Variants in NRXN3 observed in about 807,000 individuals in gnomAD.
NRXN3 encodes neurexin 3, also known as neurexin III.
NRXN3 carries 32 observed loss-of-function variants against 137.6 expected under a neutral mutation model. The ratio of observed to expected loss-of-function variants is 0.23; its 90% confidence interval spans 0.18 to 0.31. The LOEUF (loss-of-function observed/expected upper bound fraction) is 0.31, where lower values mean the gene tolerates loss of function less well. NRXN3 is among the 10% of genes least tolerant of loss of function. NRXN3 has a pLI of 1.00. For synonymous variants in NRXN3, 798 were observed against 784.5 expected (o/e 1.02, Z -0.29); for missense variants, 1,574 against 2,062.5 (o/e 0.76, Z 4.59).
chr14:78,270,165 C>T (rs1596571772), intron 2 of NRXN3, among the ~76,000 whole-genome samples: 1 of 152,206 alleles, frequency 6.6e-6, no homozygotes, highest in Non-Finnish European at 1.5e-5. Flanking sequence ...ACTCTAGAAC[C>T]TGCCTCTTAA....
At chr14:78,837,830 A>G (rs2099001261) in intron 10 of NRXN3, among the ~76,000 whole-genome samples, 1 of 152,148 alleles carries the variant, frequency 6.6e-6, no homozygotes, top group Non-Finnish European at 1.5e-5. Context: ...CAGAAAACAT[A>G]TTGGTGTAGA....
At chr14:78,652,852 T>TC (rs2097757751) in intron 6 of NRXN3, among the ~76,000 whole-genome samples, 2 of 152,230 alleles carry the variant, frequency 1.3e-5, no homozygotes. Context: ...ATCTCCATGC[T>TC]CCAAGGCTTT....
chr14:79,663,815 C>G lies in NRXN3; in HGVS notation c.3482C>G (p.Thr1161Arg), dbSNP rs2098545777. ...ATTGGAGTTGTCTTCAACATTGGCACAGTTGACATCTCCATCAAAGAGGAG... is the reference window on the plus strand; with the variant it reads ...ATTGGAGTTGTCTTCAACATTGGCAGAGTTGACATCTCCATCAAAGAGGAG... ...GKIGVVFNIG[T>R]VDISIKEERT... is the part of the protein sequence containing the mutation. Residue 1161 changes from threonine to arginine, a missense_variant, in exon 17 of 21, where the codon ACA becomes AGA. Physicochemically the swap from Thr to Arg is moderately conservative, Grantham distance 71. Coordinates refer to ENST00000335750, the MANE Select transcript of NRXN3 (RefSeq NM_001330195.2). The G allele has an allele frequency of 6.2e-7, 1 of 1,613,244 alleles. No individual in the cohort carries two copies. Among genetic ancestry groups the G allele is most frequent in the Non-Finnish European group, 8.5e-7 (1 of 1,179,582 alleles).
chr14:78,209,171 C>G (rs2062496321), intron 1 of NRXN3, among the ~76,000 whole-genome samples: 1 of 152,122 alleles, frequency 6.6e-6, no homozygotes, highest in Non-Finnish European at 1.5e-5. Flanking sequence ...GGTGTGAAGG[C>G]TTGCTTGGGA....
chr14:78,431,234 A>C (rs563856355), intron 4 of NRXN3, among the ~76,000 whole-genome samples: 1 of 152,316 alleles, frequency 6.6e-6, no homozygotes, highest in South Asian at 2.1e-4. Flanking sequence ...TCATTCATTC[A>C]AATAATGTTT....
intron 10 of NRXN3, among the ~76,000 whole-genome samples, chr14:78,916,602 G>A (rs2099256010): frequency 6.6e-6 from 1 of 152,146 alleles, no homozygotes; most frequent in Non-Finnish European, 1.5e-5. Context: ...TGGGAGATGA[G>A]GTCCGAGACA....
chr14:78,948,650 T>TTTTGC (rs2099376272), intron 10 of NRXN3, among the ~76,000 whole-genome samples: 1 of 142,558 alleles, frequency 7.0e-6, no homozygotes, highest in Non-Finnish European at 1.5e-5. Flanking sequence ...TTTTTTTTTT[T>TTTTGC]TTGCTTTATT....
chr14:78,249,313 A>G (rs1462347158), intron 2 of NRXN3, among the ~76,000 whole-genome samples: 2 of 152,248 alleles, frequency 1.3e-5, no homozygotes, highest in Admixed American at 6.5e-5. Flanking sequence ...GCCTCAGAGT[A>G]GCACGTGAAC....
At chr14:79,662,326 G>A (rs2098538112) in intron 16 of NRXN3, among the ~76,000 whole-genome samples, 1 of 152,084 alleles carries the variant, frequency 6.6e-6, no homozygotes, top group Admixed American at 6.6e-5. Flanking sequence ...CCAACACCCT[G>A]CAATGCTATG....
intron 15 of NRXN3, among the ~76,000 whole-genome samples, chr14:79,251,654 G>C (rs888649840): frequency 2.0e-5 from 3 of 152,042 alleles, no homozygotes; most frequent in Admixed American, 2.0e-4. Flanking sequence ...ATTCACAGGT[G>C]GTGAACAATA....
intron 8 of NRXN3, among the ~76,000 whole-genome samples, chr14:78,750,610 G>A (rs1173387262): frequency 6.6e-6 from 1 of 152,182 alleles, no homozygotes; most frequent in Non-Finnish European, 1.5e-5. Context: ...ATTTTCACCT[G>A]CTTACCCTCC....
At chr14:79,013,519 C>A (rs564146903) in intron 15 of NRXN3, among the ~76,000 whole-genome samples, 3 of 152,156 alleles carry the variant, frequency 2.0e-5, no homozygotes, top group Non-Finnish European at 4.4e-5. Flanking sequence ...CCCAGAGAAG[C>A]TTTTGTCTTT....
intron 17 of NRXN3, among the ~76,000 whole-genome samples, chr14:79,679,647 AG>A (rs1188433539): frequency 6.6e-6 from 1 of 152,126 alleles, no homozygotes; most frequent in African/African-American, 2.4e-5. Flanking sequence ...TGGAGTAAAA[AG>A]CTTAAAAAAG....
chr14:79,152,076 G>T (rs1234510322), intron 15 of NRXN3, among the ~76,000 whole-genome samples: 1 of 151,898 alleles, frequency 6.6e-6, no homozygotes, highest in East Asian at 1.9e-4. Flanking sequence ...GTGTACTTGG[G>T]TCTATTTTCA....
chr14:78,913,656 G>A (rs2099247119), intron 10 of NRXN3, among the ~76,000 whole-genome samples: 1 of 152,014 alleles, frequency 6.6e-6, no homozygotes, highest in Non-Finnish European at 1.5e-5. Context: ...ATATTCGTTG[G>A]CATGGGAATA....
chr14:79,334,973 A>G (rs549704036), intron 15 of NRXN3, among the ~76,000 whole-genome samples: 1 of 152,312 alleles, frequency 6.6e-6, no homozygotes, highest in South Asian at 2.1e-4. Flanking sequence ...GTGAGGCCCT[A>G]GAGCCAAATA....
intron 19 of NRXN3, among the ~76,000 whole-genome samples, chr14:79,766,998 T>C (rs1434569215): frequency 1.3e-5 from 2 of 152,242 alleles, no homozygotes; most frequent in Admixed American, 1.3e-4. Context: ...ACCGTGATAC[T>C]TATGACACTA....
intron 16 of NRXN3, among the ~76,000 whole-genome samples, chr14:79,493,762 T>A (rs1185386747): frequency 6.6e-6 from 1 of 152,218 alleles, no homozygotes; most frequent in African/African-American, 2.4e-5. Flanking sequence ...GAAATTCCCA[T>A]GCAATTTGGT....
chr14:79,866,491 T>TA lies in NRXN3; in HGVS notation c.*4529dup, dbSNP rs989624839. The TA allele has an allele frequency of 3.9e-5, 6 of 152,224 alleles. No individual in the cohort carries two copies. The highest frequency in any genetic ancestry group is 1.2e-4 in the African/African-American group (5 of 41,458). The allele number at this position is 152,224 out of a possible 1,614,324, so 9.4% of individuals were successfully genotyped here. A position where few individuals can be genotyped will look rare whatever the true frequency, so the allele number is the denominator to read the frequency against. On this transcript the variant is annotated 3_prime_UTR_variant, in exon 21 of 21. Coordinates refer to ENST00000335750, the MANE Select transcript of NRXN3 (RefSeq NM_001330195.2). ...CAGAAATAAGGGCTGTATATCATTC[T>TA]AAGCAAACCCTTAAAGTGGGAGCAA...
Sources: gnomAD v4.1 joint callset for allele counts (sites outside exome capture counted in the v4.1 genomes callset) on GRCh38, gnomAD v4.1.1 for gene constraint, MANE v1.5 for transcripts, NCBI Gene and HGNC (gene_info 2026-07-23, HGNC 2026-07-21) for gene names.